DOCK1: variants seen among roughly 807,000 people sequenced by gnomAD.
DOCK1 encodes dedicator of cytokinesis 1.
Under a neutral mutation model 262.7 loss-of-function variants are expected in DOCK1, and 138 were observed. That is an observed-to-expected ratio of 0.53 (90% CI 0.46 to 0.61). The LOEUF (loss-of-function observed/expected upper bound fraction) is 0.61, where lower values mean the gene tolerates loss of function less well. Ranked by LOEUF, DOCK1 falls within the 20% of genes least tolerant of loss-of-function variation. The pLI is 0.00. For missense variants in DOCK1, 1,908 were observed against 2,370.7 expected, an observed-to-expected ratio of 0.80 and a Z score of 4.05; for synonymous variants, 866 against 867.4, an observed-to-expected ratio of 1.00 and a Z score of 0.03.
At chr10:127,335,061 C>CCATT (rs2063135572) in intron 29 of DOCK1, among the ~76,000 whole-genome samples, 1 of 152,212 alleles carries the variant, frequency 6.6e-6, no homozygotes, top group African/African-American at 2.4e-5. Context: ...GCTCTTTCAT[C>CCATT]CATTCATTCA....
chr10:127,361,330 G>A (rs950279468), intron 32 of DOCK1, among the ~76,000 whole-genome samples: 4 of 151,950 alleles, frequency 2.6e-5, no homozygotes, highest in South Asian at 2.1e-4. Flanking sequence ...TAGCCAGGAT[G>A]GTCTCGATCT....
At chr10:127,104,072 A>G (rs1385109613) in intron 23 of DOCK1, among the ~76,000 whole-genome samples, 4 of 152,184 alleles carry the variant, frequency 2.6e-5, no homozygotes, top group African/African-American at 7.2e-5. Flanking sequence ...TCTATCTTCT[A>G]TGGAGAATTG....
Position 127,373,792 on chromosome 10 carries a change from G to T in DOCK1, c.3444G>T (p.Glu1148Asp), listed in dbSNP as rs764865801. ...CTGTTTAATTATAGTTTGAAAATGA[G>T]ATCATCACCAAGCTGGATCATGAAG... ...STRSFQMFEN[E>D]IITKLDHEVE... Residue 1148 changes from glutamate to aspartate, a missense_variant, in exon 34 of 52, where the codon GAG becomes GAT. Coordinates refer to ENST00000623213, the MANE Select transcript of DOCK1 (RefSeq NM_001290223.2). 1.9e-6 allele frequency: 3 copies of T among 1,610,336 alleles called. No individual in the cohort carries two copies. The highest frequency in any genetic ancestry group is 8.5e-7 in the Non-Finnish European group (1 of 1,178,260).
intron 28 of DOCK1, among the ~76,000 whole-genome samples, chr10:127,252,600 C>T (rs2059690374): frequency 6.6e-6 from 1 of 150,740 alleles, no homozygotes. Flanking sequence ...CAGCTTTCTA[C>T]ATATGGCTAG....
intron 22 of DOCK1, 119 bp downstream of exon 22, chr10:127,052,934 C>T (rs962081651): frequency 3.9e-5 from 57 of 1,449,620 alleles, no homozygotes; most frequent in Non-Finnish European, 5.3e-5. Context: ...CCTTTTTCCC[C>T]CTTGCTTTCT....
chr10:127,288,913 TTGAGA>T, intron 29 of DOCK1, among the ~76,000 whole-genome samples: 1 of 152,204 alleles, frequency 6.6e-6, no homozygotes, highest in South Asian at 2.1e-4. Flanking sequence ...TCTCAGGCAC[TTGAGA>T]TGAATCCTTG....
Position 127,052,697 on chromosome 10 carries a change from T to C in DOCK1, c.2218T>C (p.Leu740=). ...TLAYTKLTKV[L]KNYVDGAEKP... ...TGTGAATAGGAAGTTGACAAAAGTG[T>C]TGAAGAACTACGTGGACGGTGCTGA... The change falls in exon 22 of 52, where the codon TTG becomes CTG. Residue 740 remains leucine, a synonymous_variant. Transcript: ENST00000623213. 4 of 1,614,022 alleles carry C rather than the reference T, an allele frequency of 2.5e-6. No individual in the cohort carries two copies. The highest frequency in any genetic ancestry group is 2.2e-5 in the East Asian group (1 of 44,878).
Position 127,418,357 on chromosome 10 carries a change from C to T in DOCK1, c.4516-8C>T. The T allele has an allele frequency of 6.2e-7, 1 of 1,603,738 alleles. No individual in the cohort carries two copies. On this transcript the variant is annotated splice_region_variant and splice_polypyrimidine_tract_variant and intron_variant, in intron 44 of 51. Transcript: ENST00000623213. ...GGGCTGACATCGGGCTCTCCTCTCT[C>T]TTTGCAGGTGGAAATCAGCCCCCTG...
intron 44 of DOCK1, among the ~76,000 whole-genome samples, chr10:127,417,263 G>A (rs2068214096): frequency 6.6e-6 from 1 of 152,206 alleles, no homozygotes; most frequent in Admixed American, 6.5e-5. Context: ...AGGAGGTTTG[G>A]TCTGCTCAAG....
chr10:127,397,563 T>G (rs10829964), intron 38 of DOCK1, among the ~76,000 whole-genome samples: 1 of 143,070 alleles, frequency 7.0e-6, no homozygotes, highest in East Asian at 2.1e-4. Context: ...ATGAGTTACA[T>G]GGGCAGTGTG....
At chr10:127,387,467 GA>G (rs2066192950) in intron 38 of DOCK1, among the ~76,000 whole-genome samples, 1 of 152,152 alleles carries the variant, frequency 6.6e-6, no homozygotes, top group African/African-American at 2.4e-5. Flanking sequence ...TGGACTCAAG[GA>G]ATGTCTCCCT....
chr10:127,206,420 A>G (rs547112172), intron 27 of DOCK1, among the ~76,000 whole-genome samples: 228 of 152,300 alleles, frequency 1.5e-3, no homozygotes, highest in Non-Finnish European at 2.7e-3. Context: ...CTGGGATTAA[A>G]GGCGTGAGCC....
chr10:127,239,902 G>T (rs112077716), intron 27 of DOCK1, among the ~76,000 whole-genome samples: 1 of 152,052 alleles, frequency 6.6e-6, no homozygotes, highest in Non-Finnish European at 1.5e-5. Context: ...CTATAATTTT[G>T]TATGTAATAT....
intron 1 of DOCK1, among the ~76,000 whole-genome samples, chr10:126,916,136 C>T (rs1332688735): frequency 6.6e-6 from 1 of 151,422 alleles, no homozygotes; most frequent in South Asian, 2.1e-4. Flanking sequence ...GCCACCTCTG[C>T]CCTCCCTGAG....
intron 27 of DOCK1, among the ~76,000 whole-genome samples, chr10:127,227,846 C>G (rs563400362): frequency 3.3e-5 from 5 of 152,154 alleles, no homozygotes; most frequent in Non-Finnish European, 7.3e-5. Context: ...GACACTGGCT[C>G]AGACAGTCAA....
At chr10:127,366,201 C>G (rs56657907) in intron 33 of DOCK1, among the ~76,000 whole-genome samples, 1 of 151,874 alleles carries the variant, frequency 6.6e-6, no homozygotes, top group African/African-American at 2.4e-5. Context: ...CGAGGGATAG[C>G]GTACATTAAA....
rs1264710157 is a variant in DOCK1 at position 127,176,756 on chromosome 10, CCTT to C, written c.2847+48996_2847+48998del. 1 of 186,694 alleles carries C rather than the reference CCTT, an allele frequency of 5.4e-6. No homozygotes were observed. The highest frequency in any genetic ancestry group is 1.1e-5 in the Non-Finnish European group (1 of 90,616). 11.6% of individuals were successfully genotyped at this position (186,694 alleles called of 1,614,324 possible). ...ATTATCTTTTCACACGCGTGACTCC[CCTT>C]CTTAGGCAGATGGTTTACCAAGTGC... On this transcript the variant is annotated intron_variant, in intron 27 of 51. Coordinates refer to ENST00000623213, the MANE Select transcript of DOCK1 (RefSeq NM_001290223.2). The surrounding 1 kb of genome is among the most constrained non-coding windows in gnomAD (Gnocchi z 4.4).
At chr10:126,970,227 T>G (rs902007881) in intron 1 of DOCK1, among the ~76,000 whole-genome samples, 4 of 152,220 alleles carry the variant, frequency 2.6e-5, no homozygotes, top group Non-Finnish European at 5.9e-5. Flanking sequence ...CATTTCTTGC[T>G]TATCATTGTC....
intron 25 of DOCK1, among the ~76,000 whole-genome samples, chr10:127,120,375 C>T (rs1488523931): frequency 6.6e-6 from 1 of 151,996 alleles, no homozygotes; most frequent in Non-Finnish European, 1.5e-5. Context: ...GAATGTGAGC[C>T]GTGTATGTAA....
Sources: gnomAD v4.1 joint callset for allele counts (sites outside exome capture counted in the v4.1 genomes callset) on GRCh38, gnomAD v4.1.1 for gene constraint, Gnocchi (gnomAD v3.1) non-coding constraint, MANE v1.5 for transcripts, NCBI Gene and HGNC (gene_info 2026-07-23, HGNC 2026-07-21) for gene names.